Variants in MAGI2 observed in about 807,000 individuals in gnomAD.
MAGI2 encodes membrane associated guanylate kinase, WW and PDZ domain containing 2, also known as membrane-associated guanylate kinase, WW and PDZ domain-containing protein 2.
Under a neutral mutation model 133.3 loss-of-function variants are expected in MAGI2, and 35 were observed. The observed-to-expected ratio is 0.26, with a 90% CI of 0.20 to 0.35. The LOEUF (loss-of-function observed/expected upper bound fraction) is 0.35, where lower values mean the gene tolerates loss of function less well. MAGI2 is among the 10% of genes least tolerant of loss of function. MAGI2 has a pLI of 1.00. For missense variants in MAGI2, 1,636 were observed against 1,863.4 expected (o/e 0.88, Z 2.25); for synonymous variants, 729 against 710.6 (o/e 1.03, Z -0.41).
intron 21 of MAGI2, among the ~76,000 whole-genome samples, chr7:78,049,611 G>A (rs1023768572): frequency 6.6e-6 from 1 of 152,078 alleles, no homozygotes; most frequent in Non-Finnish European, 1.5e-5. Flanking sequence ...TAAGTGGCTC[G>A]CGGTAGAACC....
chr7:79,248,933 G>A (rs527873048), intron 1 of MAGI2, among the ~76,000 whole-genome samples: 17 of 151,630 alleles, frequency 1.1e-4, no homozygotes, highest in Non-Finnish European at 2.4e-4. Flanking sequence ...GCACAATCTC[G>A]GCTCACTGCA....
intron 1 of MAGI2, among the ~76,000 whole-genome samples, chr7:79,421,234 A>T (rs1184375434): frequency 1.3e-5 from 2 of 151,946 alleles, no homozygotes; most frequent in Non-Finnish European, 2.9e-5. Context: ...TTACCTATAT[A>T]TTCTTACCAT....
At chr7:78,714,591 G>A (rs1819524723) in intron 2 of MAGI2, among the ~76,000 whole-genome samples, 1 of 152,194 alleles carries the variant, frequency 6.6e-6, no homozygotes, top group South Asian at 2.1e-4. Context: ...CGGGTACTGT[G>A]AGCATCTTCA....
At chr7:78,325,806 A>C (rs1170027736) in intron 9 of MAGI2, among the ~76,000 whole-genome samples, 1 of 152,196 alleles carries the variant, frequency 6.6e-6, no homozygotes, top group Non-Finnish European at 1.5e-5. Context: ...AATAAAGAGA[A>C]CTAGAAGGGA....
chr7:78,497,754 A>ATCTATCTGTCTGTCTGTCTGTCTG (rs1554442399), intron 5 of MAGI2, among the ~76,000 whole-genome samples: 4 of 104,410 alleles, frequency 3.8e-5, no homozygotes, highest in African/African-American at 1.4e-4. Flanking sequence ...CTATCTATCT[A>ATCTATCTGTCTGTCTGTCTGTCTG]TCTATCTATC....
chr7:78,234,699 G>C (rs984431768), intron 10 of MAGI2, among the ~76,000 whole-genome samples: 3 of 151,812 alleles, frequency 2.0e-5, no homozygotes, highest in Non-Finnish European at 4.4e-5. Flanking sequence ...TTTATAGCAA[G>C]ATACTGCTAT....
chr7:79,442,939 GT>G (rs1848586574), intron 1 of MAGI2, among the ~76,000 whole-genome samples: 2 of 150,202 alleles, frequency 1.3e-5, no homozygotes, highest in Admixed American at 6.6e-5. Context: ...ATCATAGACT[GT>G]GAAAAAAAAA....
At chr7:78,449,355 T>C (rs780426503) in intron 6 of MAGI2, among the ~76,000 whole-genome samples, 5 of 152,094 alleles carry the variant, frequency 3.3e-5, no homozygotes, top group Non-Finnish European at 5.9e-5. Flanking sequence ...TTACTTAATA[T>C]TTTCTTTGAA....
intron 1 of MAGI2, among the ~76,000 whole-genome samples, chr7:79,275,488 A>G (rs2129557532): frequency 6.6e-6 from 1 of 152,350 alleles, no homozygotes; most frequent in Non-Finnish European, 1.5e-5. Context: ...AAGTTTAAGG[A>G]TGTAAACCAT....
intron 21 of MAGI2, among the ~76,000 whole-genome samples, chr7:78,059,031 C>T (rs750079762): frequency 6.6e-6 from 1 of 152,190 alleles, no homozygotes; most frequent in Non-Finnish European, 1.5e-5. Flanking sequence ...ATTGACAACT[C>T]ACCTGCATCT....
At chr7:79,322,880 A>G (rs548540634) in intron 1 of MAGI2, among the ~76,000 whole-genome samples, 4 of 152,208 alleles carry the variant, frequency 2.6e-5, no homozygotes, top group African/African-American at 7.2e-5. Context: ...AGTGTTACCA[A>G]TTGATTTTTG....
At chr7:78,103,433 T>C (rs1442501962) in intron 20 of MAGI2, among the ~76,000 whole-genome samples, 1 of 152,204 alleles carries the variant, frequency 6.6e-6, no homozygotes, top group Non-Finnish European at 1.5e-5. Context: ...GACACTTCCC[T>C]CTCTTTTTCA....
chr7:78,583,905 A>G (rs1203098631), intron 3 of MAGI2, among the ~76,000 whole-genome samples: 2 of 152,194 alleles, frequency 1.3e-5, no homozygotes, highest in African/African-American at 4.8e-5. Flanking sequence ...GGGAAGCCAA[A>G]TGGAGACAAT....
intron 16 of MAGI2, among the ~76,000 whole-genome samples, chr7:78,154,950 C>T (rs151011533): frequency 3.5e-3 from 536 of 152,226 alleles, no homozygotes; most frequent in African/African-American, 0.012. Flanking sequence ...CATAGGCTAC[C>T]TGAGTCTTCT....
chr7:78,349,243 C>T (rs995045069), intron 7 of MAGI2, among the ~76,000 whole-genome samples: 2 of 152,110 alleles, frequency 1.3e-5, no homozygotes, highest in African/African-American at 2.4e-5. Context: ...TGGAAAATAG[C>T]TTTTCTTGTT....
chr7:78,932,308 A>G (rs1800195448), intron 2 of MAGI2, among the ~76,000 whole-genome samples: 1 of 152,100 alleles, frequency 6.6e-6, no homozygotes, highest in South Asian at 2.1e-4. Context: ...TGCGGGTCAT[A>G]GTAATAAGAA....
rs552410568 is a variant in MAGI2, at chr7:79,148,911, C to T, written c.302-141705G>A. ...TTTTATATATATATGTAATTATTTG[C>T]TCCCTCTGAATTCAGGAGAGTGTGG... On this transcript the variant is annotated intron_variant, in intron 1 of 21. Transcript: ENST00000354212. 2.1e-3 allele frequency among the ~76,000 whole-genome samples: 313 copies of T among 146,146 alleles called. 2 individuals are homozygous for T. Among genetic ancestry groups the T allele is most frequent in the Non-Finnish European group, 4.0e-3 (265 of 66,814 alleles).
At position 78,855,418 on chromosome 7, in the gene MAGI2, T is replaced by C. The variant is rs544609194; in HGVS notation, c.418+151672A>G. Among the ~76,000 whole-genome samples, 322 of 152,210 alleles carry C rather than the reference T, an allele frequency of 2.1e-3. 3 individuals are homozygous for C. Among genetic ancestry groups the C allele is most frequent in the African/African-American group, 7.4e-3 (309 of 41,544 alleles). ...ATCCCTTCTCCCTCCCTCCACCCCATGACAGGCCCCAGTGTGTGATGTTCC... is the reference window on the plus strand; with the variant it reads ...ATCCCTTCTCCCTCCCTCCACCCCACGACAGGCCCCAGTGTGTGATGTTCC... On this transcript the variant is annotated intron_variant, in intron 2 of 21. Coordinates refer to ENST00000354212, the MANE Select transcript of MAGI2 (RefSeq NM_012301.4).
rs576031317 is a variant in MAGI2 at position 78,237,359 on chromosome 7, T to A, written c.2047+18584A>T. On this transcript the variant is annotated intron_variant, in intron 10 of 21. Coordinates refer to ENST00000354212, the MANE Select transcript of MAGI2 (RefSeq NM_012301.4). ...TACATGTGCAGGTTTGTCATATGGA[T>A]ATATTGTGTAATGGTGAGCTTTGGG... Among the ~76,000 whole-genome samples the A allele has an allele frequency of 1.1e-4, 17 of 152,312 alleles. No homozygotes were observed. In the South Asian group the frequency reaches 3.5e-3, roughly 32 times the overall value.
Sources: allele counts gnomAD v4.1 joint callset (sites outside exome capture counted in the v4.1 genomes callset), GRCh38; gene constraint gnomAD v4.1.1; transcripts MANE v1.5; gene names NCBI Gene and HGNC (gene_info 2026-07-23, HGNC 2026-07-21).